KCNK10: variants seen among roughly 807,000 people sequenced by gnomAD.
The protein encoded by KCNK10 is potassium channel subfamily K member 10.
Under a neutral mutation model 47.7 loss-of-function variants are expected in KCNK10, and 25 were observed. The ratio of observed to expected loss-of-function variants is 0.52; its 90% CI spans 0.38 to 0.73. KCNK10 has a LOEUF of 0.73. KCNK10 is among the 30% of genes least tolerant of loss of function. KCNK10 has a pLI of 0.00. For synonymous variants in KCNK10, 303 were observed against 285.6 expected, an observed-to-expected ratio of 1.06 and a Z score of -0.61; for missense variants, 563 against 714.5, an observed-to-expected ratio of 0.79 and a Z score of 2.42.
intron 1 of KCNK10, among the ~76,000 whole-genome samples, chr14:88,305,522 C>A (rs1888187059): frequency 6.6e-6 from 1 of 152,150 alleles, no homozygotes; most frequent in African/African-American, 2.4e-5. Flanking sequence ...GAGAAAACTG[C>A]CAATCAGCTG....
intron 2 of KCNK10, among the ~76,000 whole-genome samples, chr14:88,250,046 AC>A (rs961530956): frequency 5.9e-5 from 9 of 152,134 alleles, no homozygotes; most frequent in Admixed American, 1.3e-4. Context: ...AGGAGAACAA[AC>A]CCATGCACAT....
At chr14:88,240,565 A>G (rs1886425281) in intron 3 of KCNK10, 138 bp downstream of exon 3, 1 of 610,550 alleles carries the variant, frequency 1.6e-6, no homozygotes, top group Non-Finnish European at 3.0e-6. Context: ...CAATGACTGC[A>G]TTAATTTAAA....
upstream of KCNK10, chr14:88,326,298 A>G (rs1888661711): frequency 2.6e-6 from 2 of 768,618 alleles, no homozygotes; most frequent in Non-Finnish European, 4.5e-6. Flanking sequence ...AGTGGACTGC[A>G]TGGAGTGGGG....
intron 1 of KCNK10, chr14:88,270,930 A>G (rs1297996781): frequency 2.8e-6 from 2 of 721,046 alleles, no homozygotes; most frequent in African/African-American, 3.4e-5. Context: ...TCTCCCTTCC[A>G]GGACCTGGCG....
At chr14:88,326,749 C>CT, upstream of KCNK10, 1 of 416,500 alleles carries the variant, frequency 2.4e-6, no homozygotes. Context: ...TGCCCCACCA[C>CT]TTTAATGAAT....
intron 1 of KCNK10, among the ~76,000 whole-genome samples, chr14:88,294,605 C>T (rs1385135968): frequency 6.6e-6 from 1 of 152,174 alleles, no homozygotes; most frequent in African/African-American, 2.4e-5. Context: ...AATGACTCTG[C>T]CTATGCCCAT....
intron 1 of KCNK10, among the ~76,000 whole-genome samples, chr14:88,295,108 C>A (rs61444845): frequency 0.052 from 7,976 of 152,248 alleles, 350 homozygotes; most frequent in South Asian, 0.2. Context: ...ACAGCCGTGA[C>A]AAGGGTGACA....
Position 88,192,273 on chromosome 14 carries a change from G to A in KCNK10, c.819C>T (p.Tyr273=), listed in dbSNP as rs1884773738. 6.2e-7 allele frequency: 1 copy of A among 1,613,888 alleles called. No homozygotes were observed. The highest frequency in any genetic ancestry group is 1.3e-5 in the African/African-American group (1 of 74,900). The part of the protein sequence containing the change: ...IEGWTALESI[Y]FVVVTLTTVG... ...CCGTGGTCAGAGTGACCACCACAAA[G>A]TAAATGGACTCCAAGGCCGTCCAGC... The change falls in exon 5 of 7, where the codon TAC becomes TAT. Residue 273 remains tyrosine, a synonymous_variant. Transcript: ENST00000319231.
At chr14:88,228,799 C>A (rs1317349113) in intron 3 of KCNK10, among the ~76,000 whole-genome samples, 1 of 152,208 alleles carries the variant, frequency 6.6e-6, no homozygotes, top group Non-Finnish European at 1.5e-5. Flanking sequence ...ATCTAAATTA[C>A]AGCTTCCATT....
intron 3 of KCNK10, among the ~76,000 whole-genome samples, chr14:88,237,787 G>T (rs958899746): frequency 6.6e-6 from 1 of 152,142 alleles, no homozygotes; most frequent in Non-Finnish European, 1.5e-5. Flanking sequence ...TCCAGGCTTT[G>T]AAGTTCCATT....
chr14:88,273,377 A>G (rs900054534), intron 1 of KCNK10, among the ~76,000 whole-genome samples: 48 of 152,164 alleles, frequency 3.2e-4, no homozygotes, highest in Non-Finnish European at 1.8e-4. Flanking sequence ...GTACTATACC[A>G]TAGCAGCATT....
intron 2 of KCNK10, among the ~76,000 whole-genome samples, chr14:88,246,578 G>A (rs769913435): frequency 1.3e-5 from 2 of 152,200 alleles, no homozygotes; most frequent in East Asian, 3.9e-4. Context: ...TCTTCCAAGG[G>A]CAAGGTGAGT....
chr14:88,324,367 T>C (rs149095464), upstream of KCNK10, among the ~76,000 whole-genome samples: 5 of 152,302 alleles, frequency 3.3e-5, no homozygotes, highest in Non-Finnish European at 7.3e-5. Flanking sequence ...GACAAATTGC[T>C]TCGGATGCCT....
intron 3 of KCNK10, among the ~76,000 whole-genome samples, chr14:88,232,400 G>A (rs577001003): frequency 5.8e-4 from 88 of 152,264 alleles, no homozygotes; most frequent in African/African-American, 2.1e-3. Context: ...AAATTGCTCA[G>A]GAAGAACTGG....
chr14:88,237,332 G>C (rs8019760), intron 3 of KCNK10, among the ~76,000 whole-genome samples: 95,022 of 152,044 alleles, frequency 0.62, 30,231 homozygotes, highest in East Asian at 0.75. Context: ...AAGTCTTGAA[G>C]CTCTCAAAGT....
intron 1 of KCNK10, among the ~76,000 whole-genome samples, chr14:88,288,332 C>A (rs556365854): frequency 6.6e-6 from 1 of 151,882 alleles, no homozygotes; most frequent in African/African-American, 2.4e-5. Flanking sequence ...CATCCCAACT[C>A]TGCCTCTTCT....
chr14:88,228,959 A>T (rs1287591687), intron 3 of KCNK10, among the ~76,000 whole-genome samples: 1 of 152,194 alleles, frequency 6.6e-6, no homozygotes, highest in African/African-American at 2.4e-5. Flanking sequence ...ATACCCCTCT[A>T]GAATGGTCAA....
At chr14:88,296,336 C>A (rs1887983646) in intron 1 of KCNK10, among the ~76,000 whole-genome samples, 1 of 152,158 alleles carries the variant, frequency 6.6e-6, no homozygotes, top group African/African-American at 2.4e-5. Flanking sequence ...CAGTTTTACA[C>A]ATGAAACAAG....
chr14:88,237,483 G>A (rs1376568161), intron 3 of KCNK10, among the ~76,000 whole-genome samples: 1 of 152,164 alleles, frequency 6.6e-6, no homozygotes, highest in African/African-American at 2.4e-5. Context: ...ACTTTGCTCA[G>A]ACTCATCAGA....
Sources: allele counts gnomAD v4.1 joint callset (sites outside exome capture counted in the v4.1 genomes callset), GRCh38; gene constraint gnomAD v4.1.1; transcripts MANE v1.5; gene names NCBI Gene and HGNC (gene_info 2026-07-23, HGNC 2026-07-21).